BMP6: variants seen among roughly 807,000 people sequenced by gnomAD.
BMP6 encodes bone morphogenetic protein 6.
A neutral mutation model predicts 54.1 loss-of-function variants in BMP6; 17 were observed. The ratio of observed to expected loss-of-function variants is 0.31; its 90% CI spans 0.22 to 0.47. BMP6 has a LOEUF of 0.47. Ranked by LOEUF, BMP6 falls within the 20% of genes least tolerant of loss-of-function variation. BMP6 has a pLI of 1.00. For synonymous variants in BMP6, 328 were observed against 291.2 expected (o/e 1.13, Z -1.28); for missense variants, 720 against 690.4 (o/e 1.04, Z -0.48).
chr6:7,750,085 C>A (rs1371475268), intron 1 of BMP6, among the ~76,000 whole-genome samples: 1 of 152,176 alleles, frequency 6.6e-6, no homozygotes, highest in East Asian at 1.9e-4. Flanking sequence ...GTGCCATGAA[C>A]CCTGAGGGTG....
intron 1 of BMP6, among the ~76,000 whole-genome samples, chr6:7,807,958 T>C (rs1269012859): frequency 1.3e-5 from 2 of 149,238 alleles, no homozygotes; most frequent in Non-Finnish European, 3.0e-5. Flanking sequence ...TCTTGCTCTG[T>C]TGCCCAGGCT....
chr6:7,771,736 C>G (rs1214746926), intron 1 of BMP6, among the ~76,000 whole-genome samples: 1 of 152,098 alleles, frequency 6.6e-6, no homozygotes, highest in African/African-American at 2.4e-5. Flanking sequence ...CCCAAAACTG[C>G]GCATCAGCCA....
At chr6:7,846,675 G>A (rs1401496671) in intron 2 of BMP6, among the ~76,000 whole-genome samples, 1 of 152,168 alleles carries the variant, frequency 6.6e-6, no homozygotes, top group Non-Finnish European at 1.5e-5. Flanking sequence ...TGGAACAAAA[G>A]GGAAGTTTTC....
intron 1 of BMP6, among the ~76,000 whole-genome samples, chr6:7,757,531 C>T (rs949040242): frequency 1.9e-4 from 29 of 152,168 alleles, no homozygotes; most frequent in African/African-American, 6.3e-4. Context: ...TTAATTATAT[C>T]AACAAGGATG....
At chr6:7,818,015 A>G (rs1758556351) in intron 1 of BMP6, among the ~76,000 whole-genome samples, 1 of 152,214 alleles carries the variant, frequency 6.6e-6, no homozygotes, top group South Asian at 2.1e-4. Flanking sequence ...TTAAAAACAC[A>G]TTTATAATTG....
At chr6:7,865,482 C>T (rs188938811) in intron 4 of BMP6, among the ~76,000 whole-genome samples, 3 of 152,288 alleles carry the variant, frequency 2.0e-5, no homozygotes, top group East Asian at 1.9e-4. Flanking sequence ...CCCACTGAAG[C>T]GCTTCTTTAT....
At chr6:7,774,430 A>T (rs535105685) in intron 1 of BMP6, among the ~76,000 whole-genome samples, 1 of 152,172 alleles carries the variant, frequency 6.6e-6, no homozygotes, top group Non-Finnish European at 1.5e-5. Flanking sequence ...GGCACCTGTA[A>T]TCCCAGCTAC....
chr6:7,749,130 C>T (rs1171342001), intron 1 of BMP6, among the ~76,000 whole-genome samples: 1 of 152,174 alleles, frequency 6.6e-6, no homozygotes, highest in Admixed American at 6.5e-5. Context: ...ACTGATGAAC[C>T]CTTGTACCTC....
At chr6:7,874,395 A>G (rs918325015) in intron 4 of BMP6, among the ~76,000 whole-genome samples, 2 of 152,164 alleles carry the variant, frequency 1.3e-5, no homozygotes, top group Admixed American at 1.3e-4. Context: ...ACTCTAGGAA[A>G]TTCTCTCACC....
At position 7,756,102 on chromosome 6, in the gene BMP6, A is replaced by C. The variant is rs551977165; in HGVS notation, c.664+28483A>C. On this transcript the variant is annotated intron_variant, in intron 1 of 6. Coordinates refer to ENST00000283147, the MANE Select transcript of BMP6 (RefSeq NM_001718.6). ...AGAAAAATTTGGTCATTACTTCTTC[A>C]AGTCACTTTTTGGCTTTCCTCTTTC... Among the ~76,000 whole-genome samples, 8 of 151,998 alleles carry C rather than the reference A, an allele frequency of 5.3e-5. No individual in the cohort carries two copies. The East Asian group carries it at 1.5e-3, about 29-fold the overall frequency.
intron 1 of BMP6, among the ~76,000 whole-genome samples, chr6:7,840,198 A>T (rs960333433): frequency 6.6e-6 from 1 of 152,218 alleles, no homozygotes; most frequent in Non-Finnish European, 1.5e-5. Context: ...CTAAAAAGGA[A>T]AGGAAAGGAG....
chr6:7,862,158 G>A (rs1759344685), intron 3 of BMP6, 143 bp from the exon 4 acceptor site: 1 of 1,003,708 alleles, frequency 1.0e-6, no homozygotes, highest in African/African-American at 1.6e-5. Flanking sequence ...TGCCAGGCAA[G>A]GTTTGGGGAT....
At chr6:7,792,856 C>A (rs1429596176) in intron 1 of BMP6, among the ~76,000 whole-genome samples, 1 of 152,204 alleles carries the variant, frequency 6.6e-6, no homozygotes, top group African/African-American at 2.4e-5. Flanking sequence ...ACAAGATGAA[C>A]CCCTTTGCAG....
intron 1 of BMP6, among the ~76,000 whole-genome samples, chr6:7,783,800 T>A (rs957439108): frequency 2.0e-5 from 3 of 152,272 alleles, no homozygotes; most frequent in African/African-American, 7.2e-5. Context: ...AGTTCACCTC[T>A]TCTTCATGGA....
chr6:7,758,264 C>T (rs973527036), intron 1 of BMP6, among the ~76,000 whole-genome samples: 5 of 152,144 alleles, frequency 3.3e-5, no homozygotes, highest in East Asian at 1.9e-4. Context: ...AATGTGAATT[C>T]GCAGATTGAG....
At chr6:7,809,490 A>ATT (rs74914517) in intron 1 of BMP6, among the ~76,000 whole-genome samples, 1 of 150,888 alleles carries the variant, frequency 6.6e-6, no homozygotes, top group Non-Finnish European at 1.5e-5. Flanking sequence ...GAGCAACAGG[A>ATT]TTTTTTTTTT....
At chr6:7,877,640 A>T (rs536056123) in intron 4 of BMP6, among the ~76,000 whole-genome samples, 16 of 152,204 alleles carry the variant, frequency 1.1e-4, no homozygotes, top group African/African-American at 3.9e-4. Context: ...AAAAAAAAAA[A>T]TTAATGAAAT....
chr6:7,750,529 T>C (rs1400445939), intron 1 of BMP6, among the ~76,000 whole-genome samples: 2 of 152,206 alleles, frequency 1.3e-5, no homozygotes, highest in Non-Finnish European at 2.9e-5. Context: ...CGATAACTTA[T>C]TTTTATTGGA....
chr6:7,733,601 A>G (rs1259626201), intron 1 of BMP6, among the ~76,000 whole-genome samples: 1 of 152,214 alleles, frequency 6.6e-6, no homozygotes, highest in Admixed American at 6.5e-5. Flanking sequence ...GATATAGGGC[A>G]TAGCTGGCAT....
Sources: gnomAD v4.1 joint callset for allele counts (sites outside exome capture counted in the v4.1 genomes callset) on GRCh38, gnomAD v4.1.1 for gene constraint, MANE v1.5 for transcripts, NCBI Gene and HGNC (gene_info 2026-07-23, HGNC 2026-07-21) for gene names.